ITSN1: variants seen among roughly 807,000 people sequenced by gnomAD.
ITSN1 encodes the protein intersectin 1.
In ITSN1, 58 loss-of-function variants were observed where a neutral mutation model predicts 239.8. That is an observed-to-expected ratio of 0.24 (90% confidence interval 0.20 to 0.30). The LOEUF (loss-of-function observed/expected upper bound fraction) is 0.30, where lower values mean the gene tolerates loss of function less well. ITSN1 is among the 10% of genes least tolerant of loss of function. ITSN1 has a pLI of 1.00. For missense variants in ITSN1, 1,558 were observed against 2,103.3 expected (o/e 0.74, Z 5.07); for synonymous variants, 780 against 770.8 (o/e 1.01, Z -0.20).
chr21:33,694,632 C>T (rs774613740), intron 1 of ITSN1, among the ~76,000 whole-genome samples: 2 of 152,022 alleles, frequency 1.3e-5, no homozygotes, highest in African/African-American at 2.4e-5. Flanking sequence ...ACCAGCCTGG[C>T]CAACATGGCG....
At chr21:33,738,647 G>A (rs1030678979) in intron 5 of ITSN1, among the ~76,000 whole-genome samples, 4 of 151,838 alleles carry the variant, frequency 2.6e-5, no homozygotes, top group Non-Finnish European at 4.4e-5. Context: ...TGATCCACCC[G>A]CCTCGGCCTC....
chr21:33,676,032 T>C (rs2090569773), intron 1 of ITSN1, among the ~76,000 whole-genome samples: 1 of 151,854 alleles, frequency 6.6e-6, no homozygotes, highest in Non-Finnish European at 1.5e-5. Context: ...TTTTCCTTTT[T>C]TTTGTTTTTT....
chr21:33,886,497 C>T (rs2148570662), intron 39 of ITSN1, 37 bp downstream of exon 39: 1 of 1,492,794 alleles, frequency 6.7e-7, no homozygotes, highest in South Asian at 1.3e-5. Context: ...TTCCTCCTTC[C>T]CTGGCACTCG....
At chr21:33,642,890 T>A (rs1400942564) in intron 1 of ITSN1, among the ~76,000 whole-genome samples, 177 bp downstream of exon 1, 2 of 151,262 alleles carry the variant, frequency 1.3e-5, no homozygotes, top group Non-Finnish European at 3.0e-5. Context: ...CGGCTGCCCC[T>A]CTGCCTTGTC....
intron 1 of ITSN1, among the ~76,000 whole-genome samples, chr21:33,715,993 A>G (rs1475026468): frequency 2.6e-5 from 4 of 152,182 alleles, no homozygotes; most frequent in African/African-American, 9.7e-5. Context: ...AGTAAAGGAG[A>G]CAGTGACCAA....
At chr21:33,714,230 A>G (rs1393708107) in intron 1 of ITSN1, among the ~76,000 whole-genome samples, 1 of 152,240 alleles carries the variant, frequency 6.6e-6, no homozygotes, top group African/African-American at 2.4e-5. Flanking sequence ...TTCATTAGGT[A>G]GATTCCTTGT....
chr21:33,760,845 T>C (rs1418548717), intron 8 of ITSN1, among the ~76,000 whole-genome samples: 1 of 152,184 alleles, frequency 6.6e-6, no homozygotes, highest in Non-Finnish European at 1.5e-5. Flanking sequence ...GACCACATCT[T>C]GAGAGGCAGT....
intron 5 of ITSN1, among the ~76,000 whole-genome samples, chr21:33,749,598 C>T (rs1342437057): frequency 5.3e-5 from 8 of 151,188 alleles, no homozygotes; most frequent in East Asian, 2.0e-4. Context: ...GCCAAGATCA[C>T]GCCACTGCAC....
chr21:33,828,856 C>G, intron 26 of ITSN1: 1 of 441,374 alleles, frequency 2.3e-6, no homozygotes, highest in South Asian at 1.7e-5. Context: ...GTCTGTGGTA[C>G]CGCTGGAGTT....
chr21:33,731,098 C>T (rs2066155535), intron 4 of ITSN1, among the ~76,000 whole-genome samples: 1 of 152,206 alleles, frequency 6.6e-6, no homozygotes, highest in Non-Finnish European at 1.5e-5. Flanking sequence ...ACGACATTTT[C>T]AACTAAATGT....
At chr21:33,723,562 C>T (rs774210959) in intron 4 of ITSN1, among the ~76,000 whole-genome samples, 8 of 151,870 alleles carry the variant, frequency 5.3e-5, no homozygotes, top group Admixed American at 2.0e-4. Flanking sequence ...TGCAGTGAGC[C>T]GAGATCATGC....
intron 30 of ITSN1, 56 bp from the exon 31 acceptor site, chr21:33,858,630 G>C: frequency 9.1e-7 from 1 of 1,099,056 alleles, no homozygotes. Context: ...CGGCGTGTGA[G>C]TGTGTGAGTT....
chr21:33,717,724 T>A (rs2147050789), intron 1 of ITSN1, among the ~76,000 whole-genome samples: 1 of 137,314 alleles, frequency 7.3e-6, no homozygotes, highest in South Asian at 2.6e-4. Context: ...CCCAGCTAAT[T>A]TTTTTTGTGT....
chr21:33,829,099 C>G, intron 26 of ITSN1: 1 of 437,332 alleles, frequency 2.3e-6, no homozygotes, highest in Non-Finnish European at 4.6e-6. Context: ...GAATCTGCAG[C>G]AACAACATAG....
intron 1 of ITSN1, among the ~76,000 whole-genome samples, chr21:33,700,354 G>A (rs1296734847): frequency 6.6e-6 from 1 of 152,052 alleles, no homozygotes; most frequent in Non-Finnish European, 1.5e-5. Context: ...CAAAGTGCTG[G>A]GATTACAGGT....
At chr21:33,759,316 C>T (rs2068129996) in intron 8 of ITSN1, among the ~76,000 whole-genome samples, 2 of 152,304 alleles carry the variant, frequency 1.3e-5, no homozygotes, top group South Asian at 4.1e-4. Context: ...GATGGAAGAA[C>T]TTCATTTTAG....
At chr21:33,690,317 G>A (rs551710004) in intron 1 of ITSN1, among the ~76,000 whole-genome samples, 5 of 148,070 alleles carry the variant, frequency 3.4e-5, no homozygotes, top group South Asian at 2.2e-4. Flanking sequence ...TAAGCCAGGC[G>A]TGGCCCGGTG....
chr21:33,725,918 A>T lies in ITSN1; in HGVS notation c.185+3267A>T, dbSNP rs189883769. The stretch of plus-strand genomic sequence containing the variant: ...TTTAGCAAGATCTGCCTTTCAACTG[A>T]GCTGATTTGATACTTATTCACATAG... On this transcript the variant is annotated intron_variant, in intron 4 of 39. Transcript: ENST00000381318. 5.3e-3 allele frequency among the ~76,000 whole-genome samples: 808 copies of T among 152,268 alleles called. 2 individuals carry two copies. Among genetic ancestry groups the T allele is most frequent in the Admixed American group, 9.5e-3 (146 of 15,290 alleles).
chr21:33,730,460 G>A lies in ITSN1; in HGVS notation c.186-4584G>A, dbSNP rs190475707. 2.1e-3 allele frequency among the ~76,000 whole-genome samples: 249 copies of A among 118,668 alleles called. 1 individual carries two copies. The highest frequency in any genetic ancestry group is 7.9e-3 in the African/African-American group (243 of 30,916). 77.9% of individuals were successfully genotyped at this position (118,668 alleles called of 152,430 possible). A position where few individuals can be genotyped will look rare whatever the true frequency, so the allele number is the denominator to read the frequency against. ...TCTGTCACCCAGGCTGGAGTGCAGTGACGTGATCTCGGCTCACTGCAACCT... is the reference window on the plus strand; with the variant it reads ...TCTGTCACCCAGGCTGGAGTGCAGTAACGTGATCTCGGCTCACTGCAACCT... On this transcript the variant is annotated intron_variant, in intron 4 of 39. Transcript: ENST00000381318.
Sources: allele counts gnomAD v4.1 joint callset (sites outside exome capture counted in the v4.1 genomes callset), GRCh38; gene constraint gnomAD v4.1.1; transcripts MANE v1.5; gene names NCBI Gene and HGNC (gene_info 2026-07-23, HGNC 2026-07-21).